The following NAV2 variants were observed in gnomAD, a reference collection of about 807,000 sequenced individuals.
NAV2 encodes the protein neuron navigator 2, also known as helicase, APC down-regulated 1.
In NAV2, 54 loss-of-function variants were observed where a neutral mutation model predicts 223.2. The observed-to-expected ratio is 0.24, with a 90% CI of 0.19 to 0.30. The LOEUF is 0.30. NAV2 is among the 10% of genes least tolerant of loss of function. NAV2 has a pLI of 1.00. For missense variants in NAV2, 2,806 were observed against 3,147.5 expected, an observed-to-expected ratio of 0.89 and a Z score of 2.60; for synonymous variants, 1,279 against 1,239.3, an observed-to-expected ratio of 1.03 and a Z score of -0.67.
intron 1 of NAV2, among the ~76,000 whole-genome samples, chr11:19,776,989 C>T (rs910229804): frequency 1.3e-5 from 2 of 151,866 alleles, no homozygotes; most frequent in East Asian, 1.9e-4. Flanking sequence ...ATCTTTCCCC[C>T]TTCGCGCCCA....
At chr11:19,582,469 G>GTCT (rs2045750862) in intron 1 of NAV2, among the ~76,000 whole-genome samples, 1 of 152,138 alleles carries the variant, frequency 6.6e-6, no homozygotes, top group Non-Finnish European at 1.5e-5. Flanking sequence ...GTATTGCCTA[G>GTCT]GTTTTCTTCT....
chr11:19,864,946 C>T (rs986789416), intron 3 of NAV2, among the ~76,000 whole-genome samples: 2 of 152,182 alleles, frequency 1.3e-5, no homozygotes, highest in Non-Finnish European at 2.9e-5. Flanking sequence ...CTGCAAATTC[C>T]AGGAACTCAG....
At chr11:19,402,842 T>A (rs1849744118) in intron 1 of NAV2, among the ~76,000 whole-genome samples, 1 of 152,132 alleles carries the variant, frequency 6.6e-6, no homozygotes, top group African/African-American at 2.4e-5. Flanking sequence ...GTGAACTGAA[T>A]GTATGAGTAA....
chr11:19,996,163 A>G (rs542089501), intron 11 of NAV2, among the ~76,000 whole-genome samples: 10 of 152,216 alleles, frequency 6.6e-5, no homozygotes, highest in Non-Finnish European at 1.0e-4. Context: ...GGGCAAAGTT[A>G]GGATTTGAAT....
At chr11:19,815,009 C>A (rs1408889068) in intron 1 of NAV2, among the ~76,000 whole-genome samples, 1 of 151,458 alleles carries the variant, frequency 6.6e-6, no homozygotes, top group African/African-American at 2.4e-5. Context: ...ATACAGCTGA[C>A]CTTGGAGTGA....
At chr11:19,493,010 A>G (rs748704056) in intron 1 of NAV2, among the ~76,000 whole-genome samples, 7 of 152,164 alleles carry the variant, frequency 4.6e-5, no homozygotes, top group Non-Finnish European at 1.0e-4. Flanking sequence ...TCTGAGCCAC[A>G]GTTTTCTTAT....
At chr11:19,907,531 A>AGTGG (rs1565536085) in intron 6 of NAV2, among the ~76,000 whole-genome samples, 13 of 31,876 alleles carry the variant, frequency 4.1e-4, no homozygotes, top group Non-Finnish European at 1.4e-3. Context: ...TCATAGGGGG[A>AGTGG]GGGGGAATTT....
At chr11:19,559,749 T>C (rs533910448) in intron 1 of NAV2, among the ~76,000 whole-genome samples, 54 of 152,158 alleles carry the variant, frequency 3.5e-4, no homozygotes, top group Non-Finnish European at 7.6e-4. Flanking sequence ...CCAGGAACCT[T>C]GTTACAGGAA....
intron 7 of NAV2, among the ~76,000 whole-genome samples, chr11:19,939,143 T>C (rs1044270168): frequency 2.6e-5 from 4 of 152,182 alleles, no homozygotes; most frequent in African/African-American, 7.2e-5. Flanking sequence ...AACTAAGCTC[T>C]GAATCAGAGA....
intron 1 of NAV2, among the ~76,000 whole-genome samples, chr11:19,461,947 A>G (rs1852180406): frequency 6.6e-6 from 1 of 152,138 alleles, no homozygotes; most frequent in Non-Finnish European, 1.5e-5. Context: ...CTGAGATTAC[A>G]GGCACCCGCC....
intron 1 of NAV2, among the ~76,000 whole-genome samples, chr11:19,786,517 G>T (rs10766594): frequency 0.21 from 31,815 of 152,222 alleles, 4,104 homozygotes; most frequent in East Asian, 0.68. Flanking sequence ...AGGTCATTGA[G>T]ATTGCATACA....
chr11:19,969,298 G>A (rs1161082040), intron 10 of NAV2, among the ~76,000 whole-genome samples: 1 of 152,134 alleles, frequency 6.6e-6, no homozygotes, highest in Non-Finnish European at 1.5e-5. Flanking sequence ...CCAATACAGT[G>A]GACTCTTTGC....
intron 10 of NAV2, among the ~76,000 whole-genome samples, chr11:19,973,034 C>T (rs574397919): frequency 5.3e-5 from 8 of 152,316 alleles, no homozygotes; most frequent in South Asian, 2.1e-4. Flanking sequence ...CCTTTGTCTA[C>T]AGCAGGGATT....
intron 1 of NAV2, among the ~76,000 whole-genome samples, chr11:19,475,439 A>G (rs1052948578): frequency 6.6e-6 from 1 of 152,236 alleles, no homozygotes; most frequent in Admixed American, 6.5e-5. Context: ...GTTTAAAAAA[A>G]TGGGAGGCCA....
intron 19 of NAV2, among the ~76,000 whole-genome samples, chr11:20,059,958 A>G (rs549740568): frequency 3.9e-5 from 6 of 152,338 alleles, no homozygotes; most frequent in Admixed American, 1.3e-4. Context: ...GGTAAAACAC[A>G]TTCAGTTTTG....
chr11:19,719,523 C>A (rs1027187623), intron 1 of NAV2, among the ~76,000 whole-genome samples: 1 of 152,112 alleles, frequency 6.6e-6, no homozygotes, highest in Non-Finnish European at 1.5e-5. Flanking sequence ...TGAGATATTC[C>A]AGGTAGGTTC....
At chr11:19,644,832 G>C (rs2047770433) in intron 1 of NAV2, among the ~76,000 whole-genome samples, 2 of 152,216 alleles carry the variant, frequency 1.3e-5, no homozygotes, top group Admixed American at 1.3e-4. Flanking sequence ...AGAGCACAAA[G>C]GTATGGACCA....
At chr11:19,651,678 A>G (rs1254400234) in intron 1 of NAV2, among the ~76,000 whole-genome samples, 1 of 152,210 alleles carries the variant, frequency 6.6e-6, no homozygotes, top group Non-Finnish European at 1.5e-5. Flanking sequence ...GATGTATGTG[A>G]AGCACTTAGC....
At chr11:19,970,627 G>A (rs955863021) in intron 10 of NAV2, among the ~76,000 whole-genome samples, 1 of 152,136 alleles carries the variant, frequency 6.6e-6, no homozygotes, top group Non-Finnish European at 1.5e-5. Context: ...TATTGAACTT[G>A]TTGGGTGAAG....
Sources: gnomAD v4.1 joint callset for allele counts (sites outside exome capture counted in the v4.1 genomes callset) on GRCh38, gnomAD v4.1.1 for gene constraint, MANE v1.5 for transcripts, NCBI Gene and HGNC (gene_info 2026-07-23, HGNC 2026-07-21) for gene names.